KANK3: variants seen among roughly 807,000 people sequenced by gnomAD.
KANK3 encodes KN motif and ankyrin repeat domain-containing protein 3.
A neutral mutation model predicts 65.4 loss-of-function variants in KANK3; 61 were observed. The ratio of observed to expected loss-of-function variants is 0.93; its 90% CI spans 0.76 to 1.15. The LOEUF is 1.15. KANK3 is among the 50% of genes most tolerant of loss of function. KANK3 has a pLI of 0.00. For missense variants in KANK3, 1,187 were observed against 1,178.8 expected, an observed-to-expected ratio of 1.01 and a Z score of -0.10; for synonymous variants, 586 against 543.3, an observed-to-expected ratio of 1.08 and a Z score of -1.09.
At position 8,335,547 on chromosome 19, in the gene KANK3, A is replaced by G; in HGVS notation, c.280T>C (p.Ser94Pro). 1 of 1,218,560 alleles carries G rather than the reference A, an allele frequency of 8.2e-7. No individual in the cohort carries two copies. The highest frequency in any genetic ancestry group is 1.0e-6 in the Non-Finnish European group (1 of 972,530). The allele number at this position is 1,218,560 out of a possible 1,614,324, so 75.5% of individuals were successfully genotyped here. A position where few individuals can be genotyped will look rare whatever the true frequency, so the allele number is the denominator to read the frequency against. ...GCTCCACCGTCGTCACTGGCCAGGG[A>G]CTCGCTGGATGTCCAGGCGCCTGGG... ...RSPGAWTSSE[S>P]LASDDGGAPG... Residue 94 changes from serine (S) to proline (P), a missense_variant, in exon 3 of 11, where the codon TCC (serine) becomes CCC (proline). Physicochemically the swap from Ser to Pro is moderately conservative, Grantham distance 74 (BLOSUM62 -1). Transcript: ENST00000330915.
At chr19:8,337,447 C>T (rs1253516975) in intron 2 of KANK3, among the ~76,000 whole-genome samples, 2 of 152,052 alleles carry the variant, frequency 1.3e-5, no homozygotes, top group Non-Finnish European at 2.9e-5. Context: ...GTGATCTGCC[C>T]GCCTCGGCCT....
chr19:8,338,853 A>AGTG (rs1970684194), intron 1 of KANK3, among the ~76,000 whole-genome samples: 1 of 142,206 alleles, frequency 7.0e-6, no homozygotes, highest in Non-Finnish European at 1.5e-5. Flanking sequence ...TCAGCCTGGC[A>AGTG]ACAGAGCGAG....
At chr19:8,337,891 C>A (rs544769801) in intron 1 of KANK3, 35 bp from the exon 2 acceptor site, 4 of 1,610,970 alleles carry the variant, frequency 2.5e-6, no homozygotes, top group Non-Finnish European at 3.4e-6. Flanking sequence ...TGGGCGCTGT[C>A]CCTCTGGCTG....
chr19:8,335,817 G>A, intron 2 of KANK3, 25 bp from the exon 3 acceptor site: 1 of 1,225,976 alleles, frequency 8.2e-7, no homozygotes, highest in Non-Finnish European at 1.0e-6. Context: ...GGGGCACGGG[G>A]AGGGCGCATC....
intron 2 of KANK3, among the ~76,000 whole-genome samples, chr19:8,336,595 CATATATAT>C (rs374531042): frequency 2.0e-5 from 3 of 150,026 alleles, no homozygotes; most frequent in Non-Finnish European, 3.0e-5. Context: ...TACACATATA[CATATATAT>C]ACATAGCTGT....
At chr19:8,337,356 C>T (rs559045636) in intron 2 of KANK3, among the ~76,000 whole-genome samples, 2 of 152,064 alleles carry the variant, frequency 1.3e-5, no homozygotes, top group Non-Finnish European at 2.9e-5. Context: ...GGGGCACCAC[C>T]ATGCCCGGCT....
intron 7 of KANK3, among the ~76,000 whole-genome samples, chr19:8,329,195 G>T (rs945353193): frequency 1.4e-5 from 2 of 141,458 alleles, no homozygotes; most frequent in Admixed American, 1.4e-4. Context: ...AAAGGAAATT[G>T]ACAAGTGCCG....
chr19:8,334,855 C>A lies in KANK3; in HGVS notation c.972G>T (p.Glu324Asp). 6 of 1,463,718 alleles carry A rather than the reference C, an allele frequency of 4.1e-6. No individual in the cohort carries two copies. The highest frequency in any genetic ancestry group is 5.4e-6 in the Non-Finnish European group (6 of 1,117,506). 90.7% of individuals were successfully genotyped at this position (1,463,718 alleles called of 1,614,324 possible). A position where few individuals can be genotyped will look rare whatever the true frequency, so the allele number is the denominator to read the frequency against. The change falls in exon 3 of 11, where the codon GAG becomes GAT. Residue 324 changes from glutamate to aspartate, a missense_variant. Glu to Asp is a conservative substitution (Grantham distance 45). Around this residue, in one of 3 missense-constraint regions of KANK3, gnomAD observed 1,078 missense variants for 1,038.2 expected, o/e 1.04. Coordinates refer to ENST00000330915, the MANE Select transcript of KANK3 (RefSeq NM_198471.3). ...TCTCGGGGGCAGCCTCCACGCCGGC[C>A]TCCCGGGTCTCCGGCACGGCCTGGG... ...AGAQAVPETR[E>D]AGVEAAPETV... is the part of the protein sequence containing the mutation.
At chr19:8,328,223 A>C (rs951385719) in intron 7 of KANK3, among the ~76,000 whole-genome samples, 1 of 152,140 alleles carries the variant, frequency 6.6e-6, no homozygotes, top group African/African-American at 2.4e-5. Context: ...GATCAGCCTG[A>C]GCAACATGGT....
rs535971517 is a variant in KANK3, at chr19:8,322,915, G to T, written c.2390C>A (p.Ser797Ter). The T allele has an allele frequency of 8.5e-6, 13 of 1,535,646 alleles. No individual in the cohort carries two copies. The highest frequency in any genetic ancestry group is 1.7e-4 in the Middle Eastern group (1 of 5,738). ...SSGQPDTQSESPPGSQTATPG... is the reference protein window; with the variant it reads ...SSGQPDTQSE ...TGTGGCTGTCTGGGAGCCAGGGGGTGACTCGCTCTGGAGAGAGGGGAAAAG... is the reference window on the plus strand; with the variant it reads ...TGTGGCTGTCTGGGAGCCAGGGGGTTACTCGCTCTGGAGAGAGGGGAAAAG... Residue 797 changes from serine to a stop codon, truncating the protein, a stop_gained, in exon 11 of 11, where the codon TCA becomes TAA. Transcript: ENST00000330915. LOFTEE classifies it low-confidence loss of function (END_TRUNC).
chr19:8,339,366 T>G (rs911867543), intron 1 of KANK3, among the ~76,000 whole-genome samples: 15 of 151,160 alleles, frequency 9.9e-5, no homozygotes, highest in African/African-American at 2.9e-4. Flanking sequence ...TTTTTGTTTT[T>G]TTTTTTTTTT....
chr19:8,332,918 C>T, intron 7 of KANK3, 96 bp downstream of exon 7: 1 of 967,596 alleles, frequency 1.0e-6, no homozygotes, highest in African/African-American at 1.6e-5. Flanking sequence ...CAGCCATTCT[C>T]TGCTTTCCTC....
chr19:8,339,410 A>G (rs1970694428), intron 1 of KANK3, among the ~76,000 whole-genome samples: 1 of 149,190 alleles, frequency 6.7e-6, no homozygotes, highest in Middle Eastern at 3.2e-3. Flanking sequence ...CCCAGGCTAG[A>G]GTGCAGTGGC....
At chr19:8,324,870 C>T (rs754817151) in intron 8 of KANK3, 40 bp from the exon 9 acceptor site, 2 of 1,602,290 alleles carry the variant, frequency 1.2e-6, no homozygotes, top group Non-Finnish European at 1.7e-6. Flanking sequence ...CTGGGGTAGG[C>T]TCAGGGAAGG....
intron 7 of KANK3, among the ~76,000 whole-genome samples, chr19:8,331,947 C>T (rs1369027386): frequency 2.0e-5 from 3 of 148,140 alleles, no homozygotes; most frequent in Admixed American, 6.8e-5. Context: ...AGCCTCAGGG[C>T]AGAACTAGGG....
intron 1 of KANK3, among the ~76,000 whole-genome samples, chr19:8,341,443 C>T (rs2145445069): frequency 6.6e-6 from 1 of 152,204 alleles, no homozygotes; most frequent in Admixed American, 6.6e-5. Flanking sequence ...TGGAGTCATG[C>T]TCTGTCGCCC....
In KANK3 at chr19:8,337,852, G is replaced by A. The variant is rs1039446781; in HGVS notation, c.-24C>T. The A allele has an allele frequency of 6.2e-6, 10 of 1,612,996 alleles. No homozygotes were observed. The highest frequency in any genetic ancestry group is 7.6e-6 in the Non-Finnish European group (9 of 1,179,956). The stretch of plus-strand genomic sequence containing the variant: ...ATGTTTCCTGCAGCAGCTGTCAGAG[G>A]CACCCTGCAAAAGGGGTGAAGGTGG... On this transcript the variant is annotated 5_prime_UTR_variant, in exon 2 of 11. Transcript: ENST00000330915.
rs73012611 is a variant in KANK3, at chr19:8,329,789, G to C, written c.1936+3225C>G. ...GGGATTGGCTCACTGTCAATCTTAG[G>C]CTTCTGCTGTCCCTTGCTGCCTATC... is the stretch of plus-strand genomic sequence containing the variant. On this transcript the variant is annotated intron_variant, in intron 7 of 10. Coordinates refer to ENST00000330915, the MANE Select transcript of KANK3 (RefSeq NM_198471.3). 2.8e-3 allele frequency among the ~76,000 whole-genome samples: 421 copies of C among 152,252 alleles called. 1 individual carries two copies. Among genetic ancestry groups the C allele is most frequent in the Non-Finnish European group, 4.7e-3 (322 of 68,024 alleles).
In KANK3 at chr19:8,335,726, T is replaced by C; in HGVS notation, c.101A>G (p.Tyr34Cys). ...AGGARSPSSP[Y>C]SVETPYGFHL... is the part of the protein sequence containing the mutation. Reference sequence around the variant, plus strand: ...GAAGCCGTAGGGCGTCTCCACCGAGTAGGGCGAGCTCGGGCTGCGTGCGCC... The same window carrying C: ...GAAGCCGTAGGGCGTCTCCACCGAGCAGGGCGAGCTCGGGCTGCGTGCGCC... The change falls in exon 3 of 11, where the codon TAC becomes TGC. Residue 34 changes from tyrosine (Y) to cysteine (C), a missense_variant. This residue lies in a region of KANK3 where 104 missense variants were observed against 122.1 expected (regional missense o/e 0.85). Coordinates refer to ENST00000330915, the MANE Select transcript of KANK3 (RefSeq NM_198471.3). 8.0e-7 allele frequency: 1 copy of C among 1,246,002 alleles called. No homozygotes were observed. Among genetic ancestry groups the C allele is most frequent in the South Asian group, 4.1e-5 (1 of 24,506 alleles). The allele number at this position is 1,246,002 out of a possible 1,614,324, so 77.2% of individuals were successfully genotyped here.
Sources: gnomAD v4.1 joint callset for allele counts (sites outside exome capture counted in the v4.1 genomes callset) on GRCh38, gnomAD v4.1.1 for gene constraint, gnomAD v4.1.1 regional missense constraint, MANE v1.5 for transcripts, NCBI Gene and HGNC (gene_info 2026-07-23, HGNC 2026-07-21) for gene names.